NCAPD2: variants seen among roughly 807,000 people sequenced by gnomAD.
The protein encoded by NCAPD2 is condensin complex subunit 1.
In NCAPD2, 100 loss-of-function variants were observed where a neutral mutation model predicts 164.5. The observed-to-expected ratio is 0.61, with a 90% CI of 0.52 to 0.72. The LOEUF is 0.72. Among genes scored for constraint, NCAPD2 ranks in the 30% least tolerant of loss-of-function variants. NCAPD2 has a pLI of 0.00. For missense variants in NCAPD2, 1,560 were observed against 1,749.2 expected (o/e 0.89, Z 1.93); for synonymous variants, 585 against 642.6 (o/e 0.91, Z 1.36).
At chr12:6,509,991 G>T in intron 3 of NCAPD2, 84 bp from the exon 4 acceptor site, 1 of 1,443,724 alleles carries the variant, frequency 6.9e-7, no homozygotes, top group South Asian at 1.2e-5. Context: ...TTAAACATTC[G>T]ATTCCACGGG....
intron 27 of NCAPD2, 78 bp from the exon 28 acceptor site, chr12:6,529,435 G>A: frequency 7.9e-7 from 1 of 1,261,250 alleles, no homozygotes; most frequent in South Asian, 1.2e-5. Flanking sequence ...GAGTGCTGGG[G>A]GAGGGTCCAG....
intron 2 of NCAPD2, among the ~76,000 whole-genome samples, chr12:6,499,968 A>G (rs1946020293): frequency 6.6e-6 from 1 of 152,050 alleles, no homozygotes; most frequent in African/African-American, 2.4e-5. Flanking sequence ...CAAAATTACA[A>G]AAAAGTTAGC....
rs144955610 is a variant in NCAPD2, at chr12:6,507,031, A to G, written c.128-2686A>G. 9.6e-4 allele frequency among the ~76,000 whole-genome samples: 147 copies of G among 152,368 alleles called. 1 individual carries two copies. Among genetic ancestry groups the G allele is most frequent in the African/African-American group, 3.3e-3 (138 of 41,590 alleles). ...GAAATGAGTGCAAGTAATGCCTAGAATTTGGCTTCTACATACCATTATTCC... is the reference window on the plus strand; with the variant it reads ...GAAATGAGTGCAAGTAATGCCTAGAGTTTGGCTTCTACATACCATTATTCC... On this transcript the variant is annotated intron_variant, in intron 2 of 31. Coordinates refer to ENST00000315579, the MANE Select transcript of NCAPD2 (RefSeq NM_014865.4).
rs373969636 is a variant in NCAPD2, at chr12:6,526,526, C to T, written c.2645C>T (p.Pro882Leu). The change falls in exon 21 of 32, where the codon CCC becomes CTC. Residue 882 changes from proline (P) to leucine (L), a missense_variant. Coordinates refer to ENST00000315579, the MANE Select transcript of NCAPD2 (RefSeq NM_014865.4). ...CTCATTTACCAACTGGCAGAGGGCCCCGAAGTGATCTGTGCCCAGATATTG... is the reference window on the plus strand; with the variant it reads ...CTCATTTACCAACTGGCAGAGGGCCTCGAAGTGATCTGTGCCCAGATATTG... ...VTLIYQLAEG[P>L]EVICAQILQG... is the part of the protein sequence containing the mutation. The T allele has an allele frequency of 6.2e-7, 1 of 1,614,152 alleles. No individual in the cohort carries two copies. Among genetic ancestry groups the T allele is most frequent in the Non-Finnish European group, 8.5e-7 (1 of 1,180,032 alleles).
intron 15 of NCAPD2, 108 bp from the exon 16 acceptor site, chr12:6,522,720 A>T (rs1946275388): frequency 8.1e-7 from 1 of 1,239,028 alleles, no homozygotes; most frequent in Non-Finnish European, 1.1e-6. Flanking sequence ...CTCAGGGAAA[A>T]TGCGGAAGGC....
Position 6,526,367 on chromosome 12 carries a change from A to G in NCAPD2, c.2562A>G (p.Thr854=). ...TTGAGCGACTGCGGGAGACAGTCAC[A>G]AAAGGTGAGCTCTCAGGGAAGGCCT... ...RLFERLRETV[T]KGFVHPDPLW... Residue 854 remains threonine, a synonymous_variant, in exon 20 of 32, where the codon ACA becomes ACG. Coordinates refer to ENST00000315579, the MANE Select transcript of NCAPD2 (RefSeq NM_014865.4). 6.2e-7 allele frequency: 1 copy of G among 1,614,146 alleles called. No homozygotes were observed. Among genetic ancestry groups the G allele is most frequent in the Non-Finnish European group, 8.5e-7 (1 of 1,180,018 alleles).
chr12:6,518,822 C>G (rs1224308969), intron 13 of NCAPD2, among the ~76,000 whole-genome samples: 1 of 151,550 alleles, frequency 6.6e-6, no homozygotes, highest in Non-Finnish European at 1.5e-5. Flanking sequence ...CACTCGGCTG[C>G]CAACAAGTAT....
intron 2 of NCAPD2, among the ~76,000 whole-genome samples, chr12:6,499,504 C>T (rs887077415): frequency 2.6e-5 from 4 of 152,170 alleles, no homozygotes; most frequent in Non-Finnish European, 4.4e-5. Context: ...TCTCCTGCTT[C>T]AGCCTCCCAA....
At chr12:6,506,465 C>T (rs1452691527) in intron 2 of NCAPD2, among the ~76,000 whole-genome samples, 5 of 151,772 alleles carry the variant, frequency 3.3e-5, no homozygotes, top group East Asian at 3.9e-4. Context: ...TGGCGGGCGC[C>T]GGTAGTCCCA....
At position 6,517,640 on chromosome 12, in the gene NCAPD2, G is replaced by A. The variant is rs1357180490; in HGVS notation, c.1365G>A (p.Gln455=). 2 of 1,614,132 alleles carry A rather than the reference G, an allele frequency of 1.2e-6. No individual in the cohort carries two copies. Among genetic ancestry groups the A allele is most frequent in the African/African-American group, 1.3e-5 (1 of 74,950 alleles). ...DLAGPLQKET[Q]KLQEMRAQRR... ...CCGGACCACTGCAGAAGGAGACCCA[G>A]AAATTACAAGAGATGAGGGCCCAGA... The change falls in exon 12 of 32, where the codon CAG becomes CAA. Residue 455 remains glutamine, a synonymous_variant. Transcript: ENST00000315579.
intron 2 of NCAPD2, among the ~76,000 whole-genome samples, chr12:6,509,173 G>A (rs144430024): frequency 2.0e-4 from 31 of 152,144 alleles, no homozygotes; most frequent in Admixed American, 1.6e-3. Flanking sequence ...AGTAGGCGTG[G>A]TACTGTCTGC....
intron 18 of NCAPD2, 29 bp downstream of exon 18, chr12:6,525,745 G>A: frequency 6.2e-7 from 1 of 1,608,618 alleles, no homozygotes; most frequent in Non-Finnish European, 8.5e-7. Context: ...AGGCAATGGG[G>A]TGGGAGAGCA....
At chr12:6,524,670 A>T (rs1265575380) in intron 17 of NCAPD2, among the ~76,000 whole-genome samples, 1 of 151,618 alleles carries the variant, frequency 6.6e-6, no homozygotes, top group Non-Finnish European at 1.5e-5. Flanking sequence ...AAAAAAAAAA[A>T]ATCTGGAAAA....
At position 6,521,822 on chromosome 12, in the gene NCAPD2, A is replaced by G. The variant is rs17725914; in HGVS notation, c.1739A>G (p.Lys580Arg). The G allele has an allele frequency of 7.8e-3, 12,559 of 1,614,080 alleles. 69 individuals are homozygous for G. The highest frequency in any genetic ancestry group is 9.6e-3 in the Non-Finnish European group (11,376 of 1,179,932). Reference sequence around the variant, plus strand: ...GGCCCAGCAGCTTCCACACAAGAAAAGAATCCCCGGGAGTCTACAGGAAAC... The same window carrying G: ...GGCCCAGCAGCTTCCACACAAGAAAGGAATCCCCGGGAGTCTACAGGAAAC... ...FKGPAASTQE[K>R]NPRESTGNMV... Residue 580 changes from lysine to arginine, a missense_variant, in exon 15 of 32, where the codon AAG (lysine) becomes AGG (arginine). Coordinates refer to ENST00000315579, the MANE Select transcript of NCAPD2 (RefSeq NM_014865.4).
At chr12:6,497,878 A>C (rs1014726405) in intron 2 of NCAPD2, among the ~76,000 whole-genome samples, 2 of 151,126 alleles carry the variant, frequency 1.3e-5, no homozygotes, top group Non-Finnish European at 2.9e-5. Context: ...CGACCTCCCA[A>C]AGTGCTGGGA....
At chr12:6,523,906 T>C (rs1484171612) in intron 17 of NCAPD2, among the ~76,000 whole-genome samples, 3 of 152,196 alleles carry the variant, frequency 2.0e-5, no homozygotes, top group Admixed American at 6.5e-5. Flanking sequence ...ATAGCAATAA[T>C]AACAACCTCA....
At chr12:6,509,583 A>C (rs970431521) in intron 2 of NCAPD2, 134 bp from the exon 3 acceptor site, 1 of 855,178 alleles carries the variant, frequency 1.2e-6, no homozygotes, top group Non-Finnish European at 1.9e-6. Context: ...TATAGGTTAC[A>C]TTGAAGTGAA....
chr12:6,511,372 G>C (rs1050181403), intron 6 of NCAPD2, 120 bp downstream of exon 6: 1 of 1,227,258 alleles, frequency 8.1e-7, no homozygotes. Flanking sequence ...CACTCTTGTC[G>C]CCCAGGCTGG....
intron 2 of NCAPD2, among the ~76,000 whole-genome samples, chr12:6,499,096 G>T (rs1363384028): frequency 6.6e-6 from 1 of 152,044 alleles, no homozygotes; most frequent in Non-Finnish European, 1.5e-5. Context: ...TTGGACAAAG[G>T]GATGGTTCAC....
Sources: gnomAD v4.1 joint callset for allele counts (sites outside exome capture counted in the v4.1 genomes callset) on GRCh38, gnomAD v4.1.1 for gene constraint, MANE v1.5 for transcripts, NCBI Gene and HGNC (gene_info 2026-07-23, HGNC 2026-07-21) for gene names.